The following NRAP variants were observed in gnomAD, a reference collection of about 807,000 sequenced individuals.
NRAP encodes the protein nebulin related anchoring protein.
A neutral mutation model predicts 225.9 loss-of-function variants in NRAP; 189 were observed. The observed-to-expected ratio is 0.84, with a 90% CI of 0.74 to 0.94. The LOEUF (loss-of-function observed/expected upper bound fraction) is 0.94. NRAP is among the 40% of genes least tolerant of loss of function. The pLI is 0.00. For synonymous variants in NRAP, 769 were observed against 790.7 expected, an observed-to-expected ratio of 0.97 and a Z score of 0.46; for missense variants, 2,176 against 2,168.7, an observed-to-expected ratio of 1.00 and a Z score of -0.07.
At chr10:113,633,012 G>T (rs1447066395) in intron 16 of NRAP, 72 bp downstream of exon 16, 5 of 831,848 alleles carry the variant, frequency 6.0e-6, no homozygotes, top group Admixed American at 5.3e-5. Flanking sequence ...CCACTTGCTG[G>T]ACCATCCTGT....
intron 10 of NRAP, among the ~76,000 whole-genome samples, chr10:113,646,566 G>A (rs1264163813): frequency 6.6e-6 from 1 of 152,142 alleles, no homozygotes; most frequent in Non-Finnish European, 1.5e-5. Flanking sequence ...TTTCATCACC[G>A]GGTTACACCC....
chr10:113,604,437 T>C (rs1257442701), intron 35 of NRAP, among the ~76,000 whole-genome samples, 172 bp downstream of exon 35: 1 of 152,200 alleles, frequency 6.6e-6, no homozygotes, highest in Admixed American at 6.5e-5. Context: ...AGTTGAATGA[T>C]TCAATGAATG....
At chr10:113,640,394 T>A (rs1849134324) in intron 13 of NRAP, 63 bp from the exon 14 acceptor site, 1 of 911,152 alleles carries the variant, frequency 1.1e-6, no homozygotes, top group Non-Finnish European at 1.7e-6. Flanking sequence ...TGGCTTTGTT[T>A]GAATGCCATA....
In NRAP at chr10:113,629,654, T is replaced by C; in HGVS notation, c.1974A>G (p.Glu658=). The C allele has an allele frequency of 6.2e-7, 1 of 1,614,118 alleles. No individual in the cohort carries two copies. Among genetic ancestry groups the C allele is most frequent in the Non-Finnish European group, 8.5e-7 (1 of 1,179,942 alleles). The change falls in exon 19 of 42, where the codon GAA becomes GAG. Residue 658 remains glutamate, a synonymous_variant. Transcript: ENST00000359988. ...TCATATCTTCAGGCAGCACAGTGTA[T>C]TCATGCAGTTTCTTCCTGTAGTCCA... The part of the protein sequence containing the change: ...SDLDYRKKLH[E]YTVLPEDMKT...
intron 26 of NRAP, 67 bp downstream of exon 26, chr10:113,617,388 G>A (rs899204582): frequency 5.1e-6 from 5 of 980,622 alleles, no homozygotes; most frequent in African/African-American, 3.2e-5. Flanking sequence ...GAACCCCTCC[G>A]CTTCAATCGC....
chr10:113,629,139 T>G, intron 19 of NRAP, 118 bp from the exon 20 acceptor site: 1 of 751,902 alleles, frequency 1.3e-6, no homozygotes, highest in Non-Finnish European at 2.3e-6. Flanking sequence ...AACTGCTCCC[T>G]GCTCCTTTAT....
intron 38 of NRAP, 60 bp downstream of exon 38, chr10:113,595,563 T>C: frequency 1.9e-6 from 2 of 1,075,628 alleles, no homozygotes; most frequent in Non-Finnish European, 1.4e-6. Flanking sequence ...GAAATCCACA[T>C]TGGGCACAGA....
chr10:113,603,242 A>G (rs1246185283), intron 35 of NRAP, among the ~76,000 whole-genome samples: 1 of 152,160 alleles, frequency 6.6e-6, no homozygotes, highest in Non-Finnish European at 1.5e-5. Context: ...AAGGTCACCC[A>G]GCCAGTAGTG....
chr10:113,650,412 A>G, intron 8 of NRAP, 26 bp downstream of exon 8: 1 of 1,523,262 alleles, frequency 6.6e-7, no homozygotes. Context: ...TCTCCCTAAC[A>G]TGACCACATT....
intron 16 of NRAP, among the ~76,000 whole-genome samples, chr10:113,632,401 A>G (rs1848627940): frequency 6.6e-6 from 1 of 152,238 alleles, no homozygotes; most frequent in Non-Finnish European, 1.5e-5. Context: ...ACTACTGTTT[A>G]TTGGCCTTTT....
At chr10:113,623,806 T>G (rs1175561136) in intron 22 of NRAP, among the ~76,000 whole-genome samples, 170 bp from the exon 23 acceptor site, 1 of 152,208 alleles carries the variant, frequency 6.6e-6, no homozygotes, top group African/African-American at 2.4e-5. Context: ...GCCTTCTTCC[T>G]GCCTTAAGGC....
In NRAP at chr10:113,647,576, C is replaced by CCAG. The variant is rs1564752650; in HGVS notation, c.889-550_889-549insCTG. Among the ~76,000 whole-genome samples, 168 of 148,118 alleles carry CCAG rather than the reference C, an allele frequency of 1.1e-3. 24 individuals carry two copies. The highest frequency in any genetic ancestry group is 2.1e-3 in the African/African-American group (85 of 39,964). On this transcript the variant is annotated intron_variant, in intron 9 of 41. Coordinates refer to ENST00000359988, the MANE Select transcript of NRAP (RefSeq NM_198060.4). ...GTCTCCCCCAGTGGTACTGCCTCCC[C>CCAG]TGGTGGTACTTCCTCCCCTAGTGGT...
At position 113,598,338 on chromosome 10, in the gene NRAP, T is replaced by C. The variant is rs115317902; in HGVS notation, c.4228-265A>G. On this transcript the variant is annotated intron_variant, in intron 35 of 41. Coordinates refer to ENST00000359988, the MANE Select transcript of NRAP (RefSeq NM_198060.4). ...AGGATTTAAAGCGAGAGTAACAACCTATGTGGACGATCGCATAAAGAAAGA... is the reference window on the plus strand; with the variant it reads ...AGGATTTAAAGCGAGAGTAACAACCCATGTGGACGATCGCATAAAGAAAGA... Among the ~76,000 whole-genome samples, 534 of 149,948 alleles carry C rather than the reference T, an allele frequency of 3.6e-3. 5 individuals carry two copies. Among genetic ancestry groups the C allele is most frequent in the African/African-American group, 0.013 (513 of 40,624 alleles).
At chr10:113,622,245 T>TC in intron 23 of NRAP, 65 bp from the exon 24 acceptor site, 2 of 1,070,954 alleles carry the variant, frequency 1.9e-6, no homozygotes, top group Non-Finnish European at 2.8e-6. Flanking sequence ...GGCTTCAGAC[T>TC]CCATGCATGG....
intron 21 of NRAP, 72 bp from the exon 22 acceptor site, chr10:113,625,002 GTC>G (rs1848208441): frequency 1.1e-6 from 1 of 877,506 alleles, no homozygotes; most frequent in African/African-American, 1.6e-5. Context: ...CCCTCATGGT[GTC>G]TCTGTCTGGT....
intron 33 of NRAP, 105 bp downstream of exon 33, chr10:113,606,072 TA>T: frequency 1.1e-6 from 1 of 912,858 alleles, no homozygotes; most frequent in Non-Finnish European, 1.8e-6. Flanking sequence ...CTACACATTT[TA>T]AAAAGCTTCT....
At chr10:113,589,608 A>G (rs1845824149) in intron 41 of NRAP, 58 bp downstream of exon 41, 2 of 1,553,102 alleles carry the variant, frequency 1.3e-6, no homozygotes, top group Admixed American at 2.0e-5. Context: ...AGAAACAATG[A>G]GTTTGTCTTT....
chr10:113,607,872 C>T (rs1336439582), intron 32 of NRAP, among the ~76,000 whole-genome samples: 2 of 152,176 alleles, frequency 1.3e-5, no homozygotes, highest in Non-Finnish European at 2.9e-5. Flanking sequence ...CTTGCACCTG[C>T]CCTCTGCTGG....
At chr10:113,628,815 A>G in intron 20 of NRAP, 102 bp downstream of exon 20, 4 of 697,748 alleles carry the variant, frequency 5.7e-6, no homozygotes, top group Non-Finnish European at 9.9e-6. Flanking sequence ...ATCACAGCCA[A>G]AATAAATCTG....
Sources: gnomAD v4.1 joint callset for allele counts (sites outside exome capture counted in the v4.1 genomes callset) on GRCh38, gnomAD v4.1.1 for gene constraint, MANE v1.5 for transcripts, NCBI Gene and HGNC (gene_info 2026-07-23, HGNC 2026-07-21) for gene names.